CYRIB: variants seen among roughly 807,000 people sequenced by gnomAD.
The protein encoded by CYRIB is CYFIP-related Rac1 interactor B.
In CYRIB, 8 loss-of-function variants were observed where a neutral mutation model predicts 44.2. That is an observed-to-expected ratio of 0.18 (90% CI 0.11 to 0.33). The LOEUF (loss-of-function observed/expected upper bound fraction) is 0.33, where lower values mean the gene tolerates loss of function less well. Ranked by LOEUF, CYRIB falls within the 10% of genes least tolerant of loss-of-function variation. The pLI is 1.00. For synonymous variants in CYRIB, 131 were observed against 127.2 expected (o/e 1.03, Z -0.20); for missense variants, 185 against 382.8 (o/e 0.48, Z 4.31).
intron 1 of CYRIB, among the ~76,000 whole-genome samples, chr8:129,911,323 A>T (rs1367770433): frequency 2.0e-5 from 3 of 152,224 alleles, no homozygotes; most frequent in Non-Finnish European, 4.4e-5. Flanking sequence ...GAGGGTAAGG[A>T]ATTGGGAAAA....
intron 7 of CYRIB, 47 bp downstream of exon 9, chr8:129,854,219 G>A: frequency 1.5e-6 from 2 of 1,317,014 alleles, no homozygotes; most frequent in Non-Finnish European, 2.2e-6. Context: ...AACAGGCTGA[G>A]CACTAAGTTA....
intron 1 of CYRIB, among the ~76,000 whole-genome samples, chr8:129,938,936 G>C (rs1018817285): frequency 1.3e-5 from 2 of 152,172 alleles, no homozygotes; most frequent in Non-Finnish European, 2.9e-5. Context: ...AATTATAGTA[G>C]AAATTGCGCG....
In CYRIB at chr8:129,858,224, G is replaced by A. The variant is rs145918360; in HGVS notation, c.302-2477C>T. Among the ~76,000 whole-genome samples the A allele has an allele frequency of 1.2e-4, 19 of 152,352 alleles. No homozygotes were observed. The East Asian group carries it at 2.1e-3, about 17-fold the overall frequency. ...TCTCTGGATGAGTTGGAGAGAAAGA[G>A]AGGACAAAGAAAAGATGCCTGGGAT... On this transcript the variant is annotated intron_variant, in intron 5 of 11. Transcript: ENST00000519824.
intron 2 of CYRIB, among the ~76,000 whole-genome samples, chr8:129,963,688 C>T (rs773876983): frequency 6.6e-6 from 1 of 152,180 alleles, no homozygotes; most frequent in Non-Finnish European, 1.5e-5. Flanking sequence ...TTACATCCCA[C>T]GTTGCACAGA....
At chr8:129,870,348 T>C (rs950936468) in intron 4 of CYRIB, among the ~76,000 whole-genome samples, 6 of 152,214 alleles carry the variant, frequency 3.9e-5, no homozygotes, top group African/African-American at 1.2e-4. Context: ...AGGTTGAGGC[T>C]GTAGTGAGCT....
chr8:129,997,074 G>C (rs1490808313), intron 1 of CYRIB, among the ~76,000 whole-genome samples: 1 of 137,916 alleles, frequency 7.3e-6, no homozygotes, highest in Admixed American at 7.1e-5. Context: ...GGGAGGGAGG[G>C]AGGGAGGGAG....
At chr8:129,982,415 G>A (rs373565965) in intron 1 of CYRIB, among the ~76,000 whole-genome samples, 24 of 151,880 alleles carry the variant, frequency 1.6e-4, no homozygotes, top group African/African-American at 3.9e-4. Context: ...TTAACTAACC[G>A]AAACATAAAT....
intron 1 of CYRIB, among the ~76,000 whole-genome samples, chr8:129,920,129 T>G (rs2082794474): frequency 6.6e-6 from 1 of 151,942 alleles, no homozygotes; most frequent in Admixed American, 6.5e-5. Context: ...TAAAAATTAC[T>G]CTTTCATGGT....
intron 1 of CYRIB, among the ~76,000 whole-genome samples, chr8:129,931,545 T>C (rs2091352204): frequency 6.6e-6 from 1 of 152,186 alleles, no homozygotes; most frequent in African/African-American, 2.4e-5. Flanking sequence ...ACCAAGGTCA[T>C]TACATATAAC....
chr8:130,012,499 G>T (rs888050974), intron 1 of CYRIB, among the ~76,000 whole-genome samples: 2 of 149,112 alleles, frequency 1.3e-5, no homozygotes, highest in Non-Finnish European at 3.0e-5. Context: ...AGAGCACCAG[G>T]GGCTGAGGGA....
intron 2 of CYRIB, chr8:129,901,866 AAC>A (rs1379758737): frequency 3.3e-5 from 5 of 152,248 alleles, no homozygotes; most frequent in African/African-American, 7.2e-5. Context: ...TAACATGAGA[AAC>A]ACACATATTA....
chr8:129,978,061 C>T (rs1591607252), intron 1 of CYRIB, among the ~76,000 whole-genome samples: 1 of 152,172 alleles, frequency 6.6e-6, no homozygotes, highest in Non-Finnish European at 1.5e-5. Flanking sequence ...CTCAGTTGTA[C>T]AGGCGTGTGC....
intron 1 of CYRIB, among the ~76,000 whole-genome samples, chr8:129,924,000 G>A (rs1251895238): frequency 6.7e-6 from 1 of 149,836 alleles, no homozygotes; most frequent in Non-Finnish European, 1.5e-5. Flanking sequence ...GCCAGCTGCA[G>A]TAGCTCATGC....
intron 1 of CYRIB, among the ~76,000 whole-genome samples, chr8:129,911,718 T>C (rs1370995758): frequency 6.6e-6 from 1 of 151,684 alleles, no homozygotes; most frequent in Non-Finnish European, 1.5e-5. Context: ...ACAACAGCAA[T>C]AATGCTGTTT....
chr8:129,852,072 A>G, intron 8 of CYRIB, 90 bp downstream of exon 10: 1 of 717,332 alleles, frequency 1.4e-6, no homozygotes, highest in Non-Finnish European at 2.2e-6. Context: ...TGGTTTCAAG[A>G]TGGTATTTAA....
At chr8:129,866,074 G>A (rs2053387028) in intron 4 of CYRIB, among the ~76,000 whole-genome samples, 2 of 152,152 alleles carry the variant, frequency 1.3e-5, no homozygotes, top group Admixed American at 6.6e-5. Context: ...ACAGAGAAAA[G>A]TCATAATTGA....
intron 1 of CYRIB, among the ~76,000 whole-genome samples, chr8:129,927,054 G>A (rs1210670379): frequency 6.6e-6 from 1 of 152,004 alleles, no homozygotes; most frequent in Non-Finnish European, 1.5e-5. Flanking sequence ...AGGCCGAGGT[G>A]GGCAGATCAC....
At chr8:129,859,305 A>G (rs2047964854) in intron 5 of CYRIB, among the ~76,000 whole-genome samples, 1 of 152,226 alleles carries the variant, frequency 6.6e-6, no homozygotes, top group Non-Finnish European at 1.5e-5. Flanking sequence ...ACTAAACGGC[A>G]GAGCCAGGTG....
exon 12 of CYRIB, chr8:129,842,040 G>C (rs1365250231): frequency 7.7e-6 from 6 of 782,044 alleles, no homozygotes; most frequent in Non-Finnish European, 1.3e-5. Flanking sequence ...AGAAATAAAA[G>C]CAAGAATAAA....
Sources: allele counts gnomAD v4.1 joint callset (sites outside exome capture counted in the v4.1 genomes callset), GRCh38; gene constraint gnomAD v4.1.1; transcripts MANE v1.5; gene names NCBI Gene and HGNC (gene_info 2026-07-23, HGNC 2026-07-21).